ENTPD1: variants seen among roughly 807,000 people sequenced by gnomAD.
ENTPD1 encodes the protein ectonucleoside triphosphate diphosphohydrolase 1.
ENTPD1 carries 33 observed loss-of-function variants against 57.0 expected under a neutral mutation model. That is an observed-to-expected ratio of 0.58 (90% confidence interval 0.44 to 0.77). ENTPD1 has a LOEUF of 0.77. ENTPD1 is among the 30% of genes least tolerant of loss of function. The pLI, the probability that ENTPD1 is intolerant of heterozygous loss-of-function variation, is 0.00. For missense variants in ENTPD1, 501 were observed against 603.4 expected (o/e 0.83, Z 1.78); for synonymous variants, 202 against 218.8 (o/e 0.92, Z 0.68).
In ENTPD1 at chr10:95,872,344, C is replaced by T; in HGVS notation, c.*5961C>T. 2.0e-6 allele frequency: 2 copies of T among 985,434 alleles called. No individual in the cohort carries two copies. The highest frequency in any genetic ancestry group is 2.4e-6 in the Non-Finnish European group (2 of 829,934). The allele number at this position is 985,434 out of a possible 1,614,324, so 61.0% of individuals were successfully genotyped here. A position where few individuals can be genotyped will look rare whatever the true frequency, so the allele number is the denominator to read the frequency against. On this transcript the variant is annotated 3_prime_UTR_variant, in exon 10 of 10. Coordinates refer to ENST00000371205, the MANE Select transcript of ENTPD1 (RefSeq NM_001776.6). ...CATGGCCGCCAGCTCTCTCCAGGCTCATATCCCACTCCACTCCTCTGATGT... is the reference window on the plus strand; with the variant it reads ...CATGGCCGCCAGCTCTCTCCAGGCTTATATCCCACTCCACTCCTCTGATGT...
chr10:95,803,071 T>C (rs1396329658), intron 1 of ENTPD1, among the ~76,000 whole-genome samples: 3 of 152,196 alleles, frequency 2.0e-5, no homozygotes, highest in Admixed American at 1.3e-4. Flanking sequence ...AATTTTAAAA[T>C]AGTTTGTTCT....
chr10:95,765,081 T>C (rs2098083395), intron 1 of ENTPD1, among the ~76,000 whole-genome samples: 1 of 152,212 alleles, frequency 6.6e-6, no homozygotes, highest in Admixed American at 6.5e-5. Flanking sequence ...TGATTCCTTA[T>C]ATATTCCCTT....
At chr10:95,787,422 A>G (rs1475458144) in intron 1 of ENTPD1, among the ~76,000 whole-genome samples, 1 of 152,202 alleles carries the variant, frequency 6.6e-6, no homozygotes, top group East Asian at 1.9e-4. Context: ...ATTTAAAGAT[A>G]TAGGTGTTTT....
chr10:95,709,892 C>A (rs150514024), upstream of ENTPD1, among the ~76,000 whole-genome samples: 5 of 151,728 alleles, frequency 3.3e-5, no homozygotes, highest in African/African-American at 9.7e-5. Context: ...TAGCCCCGGC[C>A]CCCCCCACCA....
At chr10:95,721,121 G>A (rs1283110228) in intron 1 of ENTPD1, among the ~76,000 whole-genome samples, 1 of 152,206 alleles carries the variant, frequency 6.6e-6, no homozygotes, top group Admixed American at 6.5e-5. Flanking sequence ...TCAGGTGACA[G>A]AGAGGTATGC....
intron 1 of ENTPD1, among the ~76,000 whole-genome samples, chr10:95,796,570 T>C (rs376325639): frequency 1.1e-4 from 17 of 152,288 alleles, no homozygotes; most frequent in African/African-American, 4.1e-4. Context: ...TGTGGTTAGA[T>C]GGTTAGCATG....
intron 1 of ENTPD1, among the ~76,000 whole-genome samples, chr10:95,810,102 A>G (rs1225046219): frequency 3.4e-4 from 24 of 70,306 alleles, no homozygotes; most frequent in South Asian, 5.8e-4. Flanking sequence ...CCTCCCGGAC[A>G]GGGCGGCCGG....
intron 7 of ENTPD1, among the ~76,000 whole-genome samples, chr10:95,853,732 G>A (rs2098449494): frequency 6.6e-6 from 1 of 152,088 alleles, no homozygotes; most frequent in African/African-American, 2.4e-5. Flanking sequence ...GCTGGATTAC[G>A]TTTATTGATT....
chr10:95,756,499 T>C (rs919498092), intron 1 of ENTPD1: 3 of 526,248 alleles, frequency 5.7e-6, no homozygotes, highest in Non-Finnish European at 6.7e-6. Flanking sequence ...GAATATTCAT[T>C]ATCAATTTGT....
intron 1 of ENTPD1, among the ~76,000 whole-genome samples, chr10:95,793,587 A>G (rs1213271357): frequency 6.6e-6 from 1 of 152,178 alleles, no homozygotes; most frequent in Non-Finnish European, 1.5e-5. Context: ...TCACCTAGCA[A>G]CTTGTTAGAA....
At chr10:95,770,610 A>G (rs887658262) in intron 1 of ENTPD1, among the ~76,000 whole-genome samples, 27 of 152,134 alleles carry the variant, frequency 1.8e-4, no homozygotes, top group African/African-American at 5.8e-4. Flanking sequence ...GTCTTTTTCA[A>G]TTGTGTTTTT....
intron 2 of ENTPD1, 92 bp from the exon 3 acceptor site, chr10:95,839,599 T>C (rs1446646228): frequency 1.5e-6 from 2 of 1,294,150 alleles, no homozygotes; most frequent in African/African-American, 2.9e-5. Flanking sequence ...TTTCTCCTCA[T>C]GTTTTTGAAA....
At chr10:95,789,764 T>A (rs72813797) in intron 1 of ENTPD1, among the ~76,000 whole-genome samples, 1 of 152,318 alleles carries the variant, frequency 6.6e-6, no homozygotes, top group Non-Finnish European at 1.5e-5. Flanking sequence ...TTACAGTTGA[T>A]AGAAATTTAA....
intron 1 of ENTPD1, among the ~76,000 whole-genome samples, chr10:95,774,994 T>G (rs1034954497): frequency 8.5e-5 from 13 of 152,214 alleles, no homozygotes; most frequent in Admixed American, 8.5e-4. Flanking sequence ...GTTTGTGTCC[T>G]TTTTTATTTC....
intron 7 of ENTPD1, among the ~76,000 whole-genome samples, chr10:95,851,253 T>C (rs1397408333): frequency 6.6e-6 from 1 of 151,824 alleles, no homozygotes; most frequent in East Asian, 1.9e-4. Context: ...TATATTTATT[T>C]ATATTTATAT....
intron 1 of ENTPD1, among the ~76,000 whole-genome samples, chr10:95,815,576 C>T (rs1445652975): frequency 1.3e-5 from 2 of 152,172 alleles, no homozygotes; most frequent in East Asian, 3.8e-4. Flanking sequence ...GTATGAGCCT[C>T]AGTCATGTAT....
intron 8 of ENTPD1, 152 bp from the exon 9 acceptor site, chr10:95,864,572 G>C (rs1196040755): frequency 1.2e-5 from 12 of 963,388 alleles, no homozygotes; most frequent in Non-Finnish European, 1.9e-5. Context: ...AAGGAGTGCA[G>C]CACCACCCCC....
chr10:95,871,238 T>C lies in ENTPD1; in HGVS notation c.*4855T>C, dbSNP rs1244496340. On this transcript the variant is annotated 3_prime_UTR_variant, in exon 10 of 10. Transcript: ENST00000371205. Reference sequence around the variant, plus strand: ...TAAAGCATTAAATGCGATTATTTAATATACAATGTCTTATTAACTGAAATA... The same window carrying C: ...TAAAGCATTAAATGCGATTATTTAACATACAATGTCTTATTAACTGAAATA... 2.0e-6 allele frequency: 2 copies of C among 985,328 alleles called. No homozygotes were observed. The highest frequency in any genetic ancestry group is 4.7e-5 in the South Asian group (1 of 21,286). The allele number at this position is 985,328 out of a possible 1,614,324, so 61.0% of individuals were successfully genotyped here.
At chr10:95,820,617 A>G (rs1328546062) in intron 1 of ENTPD1, among the ~76,000 whole-genome samples, 2 of 152,116 alleles carry the variant, frequency 1.3e-5, no homozygotes, top group African/African-American at 2.4e-5. Flanking sequence ...TTTCTCCTCA[A>G]ATGTCACCTT....
Sources: allele counts gnomAD v4.1 joint callset (sites outside exome capture counted in the v4.1 genomes callset), GRCh38; gene constraint gnomAD v4.1.1; transcripts MANE v1.5; gene names NCBI Gene and HGNC (gene_info 2026-07-23, HGNC 2026-07-21).